Variants in SPIDR observed in about 807,000 individuals in gnomAD.
SPIDR encodes the protein DNA repair-scaffolding protein.
A neutral mutation model predicts 104.6 loss-of-function variants in SPIDR; 93 were observed. The observed-to-expected ratio is 0.89, with a 90% CI of 0.75 to 1.06. The LOEUF (loss-of-function observed/expected upper bound fraction) is 1.06. SPIDR is among the 50% of genes least tolerant of loss of function. The pLI is 0.00. For missense variants in SPIDR, 1,154 were observed against 1,111.2 expected (o/e 1.04, Z -0.55); for synonymous variants, 431 against 416.9 (o/e 1.03, Z -0.41).
chr8:47,603,866 G>A (rs533513717), intron 10 of SPIDR, among the ~76,000 whole-genome samples: 1 of 152,252 alleles, frequency 6.6e-6, no homozygotes, highest in South Asian at 2.1e-4. Context: ...CAGAAGAAAA[G>A]CACATTTTCC....
intron 14 of SPIDR, among the ~76,000 whole-genome samples, chr8:47,706,616 G>A (rs1285216705): frequency 1.3e-5 from 2 of 152,130 alleles, no homozygotes; most frequent in African/African-American, 4.8e-5. Context: ...TAGCCACGTC[G>A]ATCCTTTTTT....
At chr8:47,702,986 C>T (rs895243959) in intron 14 of SPIDR, among the ~76,000 whole-genome samples, 5 of 152,190 alleles carry the variant, frequency 3.3e-5, no homozygotes, top group Non-Finnish European at 7.3e-5. Flanking sequence ...CAGTGCACCA[C>T]GAGTCGGGGG....
At chr8:47,276,795 T>C (rs2036517799) in intron 1 of SPIDR, 1 of 152,182 alleles carries the variant, frequency 6.6e-6, no homozygotes, top group South Asian at 2.1e-4. Context: ...ATGATAGAAC[T>C]GGTTAAAGTG....
chr8:47,570,560 A>C (rs1263923218), intron 8 of SPIDR, among the ~76,000 whole-genome samples: 1 of 152,224 alleles, frequency 6.6e-6, no homozygotes, highest in Non-Finnish European at 1.5e-5. Flanking sequence ...AAAATATTGC[A>C]CATCATCAAG....
chr8:47,595,945 G>T lies in SPIDR; in HGVS notation c.1232G>T (p.Ser411Ile), dbSNP rs1486437212. 6.2e-7 allele frequency: 1 copy of T among 1,614,018 alleles called. No individual in the cohort carries two copies. The highest frequency in any genetic ancestry group is 2.2e-5 in the East Asian group (1 of 44,890). The change falls in exon 9 of 20, where the codon AGC (serine) becomes ATC (isoleucine). Residue 411 changes from serine to isoleucine, a missense_variant. Physicochemically the swap from Ser to Ile is moderately radical, Grantham distance 142 (BLOSUM62 -2). Coordinates refer to ENST00000297423, the MANE Select transcript of SPIDR (RefSeq NM_001080394.4). The part of the protein sequence containing the change: ...YCPDIPLPRR[S>I]ISLAQMFVIK... ...CCGGACATACCCCTTCCAAGAAGAAGCATCTCTTTGGCCCAGATGTTTGTA... is the reference window on the plus strand; with the variant it reads ...CCGGACATACCCCTTCCAAGAAGAATCATCTCTTTGGCCCAGATGTTTGTA...
At chr8:47,633,820 G>A (rs982911251) in intron 10 of SPIDR, among the ~76,000 whole-genome samples, 2 of 152,138 alleles carry the variant, frequency 1.3e-5, no homozygotes, top group Non-Finnish European at 2.9e-5. Flanking sequence ...GAGGCTGAGC[G>A]TGGTGGCTCT....
At chr8:47,372,419 G>A (rs2154295836) in intron 5 of SPIDR, among the ~76,000 whole-genome samples, 1 of 152,228 alleles carries the variant, frequency 6.6e-6, no homozygotes, top group South Asian at 2.1e-4. Context: ...GAGGTGAGGA[G>A]TTCGAGACCA....
At chr8:47,567,297 G>A (rs1019063165) in intron 8 of SPIDR, among the ~76,000 whole-genome samples, 5 of 151,390 alleles carry the variant, frequency 3.3e-5, no homozygotes, top group Middle Eastern at 3.2e-3. Flanking sequence ...TCGGCTCACC[G>A]CAACCTCTGC....
chr8:47,498,326 T>C (rs1472883022), intron 8 of SPIDR, among the ~76,000 whole-genome samples: 1 of 152,208 alleles, frequency 6.6e-6, no homozygotes, highest in Non-Finnish European at 1.5e-5. Context: ...CTTGAATAAC[T>C]GAGGTCAGCA....
rs145220230 is a variant in SPIDR at position 47,505,492 on chromosome 8, G to A, written c.1097+64950G>A. ...ATGCTATGACCATTGGAAAAGCGCA[G>A]TATTAGGGTGGGAGTGACCCAATTT... On this transcript the variant is annotated intron_variant, in intron 8 of 19. Coordinates refer to ENST00000297423, the MANE Select transcript of SPIDR (RefSeq NM_001080394.4). Among the ~76,000 whole-genome samples the A allele has an allele frequency of 3.1e-3, 465 of 152,306 alleles. 1 individual carries two copies. Among genetic ancestry groups the A allele is most frequent in the African/African-American group, 0.011 (454 of 41,560 alleles).
intron 5 of SPIDR, among the ~76,000 whole-genome samples, chr8:47,357,505 A>G (rs1212399643): frequency 6.6e-6 from 1 of 152,218 alleles, no homozygotes; most frequent in African/African-American, 2.4e-5. Flanking sequence ...GATGGCCAAG[A>G]GAAGAAATTC....
intron 11 of SPIDR, among the ~76,000 whole-genome samples, chr8:47,676,571 A>G (rs2076479325): frequency 6.6e-6 from 1 of 152,194 alleles, no homozygotes; most frequent in African/African-American, 2.4e-5. Context: ...AAACTTTAAC[A>G]AAATATGCTT....
chr8:47,276,199 G>T (rs1366268685), intron 1 of SPIDR, among the ~76,000 whole-genome samples: 2 of 152,158 alleles, frequency 1.3e-5, no homozygotes, highest in African/African-American at 4.8e-5. Context: ...TGTAATTTCT[G>T]TAAATATTTA....
chr8:47,333,495 G>C (rs1201051600), intron 5 of SPIDR, among the ~76,000 whole-genome samples: 3 of 151,926 alleles, frequency 2.0e-5, no homozygotes, highest in East Asian at 1.9e-4. Flanking sequence ...GTAGAGACAG[G>C]GTTTCACCAT....
chr8:47,541,113 G>A (rs1350297554), intron 8 of SPIDR, among the ~76,000 whole-genome samples: 2 of 152,124 alleles, frequency 1.3e-5, no homozygotes, highest in Non-Finnish European at 2.9e-5. Context: ...GCCTTCCTCG[G>A]CCTCCCAAAA....
chr8:47,596,077 TG>T, intron 9 of SPIDR, 71 bp downstream of exon 9: 2 of 1,396,872 alleles, frequency 1.4e-6, no homozygotes, highest in Non-Finnish European at 2.0e-6. Context: ...AGGGCTTCAG[TG>T]TAAGTGAAGA....
chr8:47,417,680 A>C (rs1277028009), intron 7 of SPIDR, among the ~76,000 whole-genome samples: 5 of 152,168 alleles, frequency 3.3e-5, no homozygotes, highest in Admixed American at 2.6e-4. Context: ...TTGGTGTTTT[A>C]GACGTGAAGT....
chr8:47,497,295 GT>G (rs1234500140), intron 8 of SPIDR, among the ~76,000 whole-genome samples: 1 of 152,000 alleles, frequency 6.6e-6, no homozygotes, highest in Non-Finnish European at 1.5e-5. Context: ...TAAGATGAAA[GT>G]TTTTGTTGAT....
intron 10 of SPIDR, among the ~76,000 whole-genome samples, chr8:47,620,338 G>C (rs1483015013): frequency 6.8e-6 from 1 of 146,216 alleles, no homozygotes; most frequent in Non-Finnish European, 1.5e-5. Context: ...GCAGTGGCGT[G>C]ATCTTGGCTC....
Sources: gnomAD v4.1 joint callset for allele counts (sites outside exome capture counted in the v4.1 genomes callset) on GRCh38, gnomAD v4.1.1 for gene constraint, MANE v1.5 for transcripts, NCBI Gene and HGNC (gene_info 2026-07-23, HGNC 2026-07-21) for gene names.